DPP10: variants seen among roughly 807,000 people sequenced by gnomAD.
DPP10 encodes dipeptidyl peptidase like 10, also known as inactive dipeptidyl peptidase 10.
A neutral mutation model predicts 120.9 loss-of-function variants in DPP10; 33 were observed. The ratio of observed to expected loss-of-function variants is 0.27; its 90% CI spans 0.21 to 0.37. The LOEUF (loss-of-function observed/expected upper bound fraction) is 0.37. Ranked by LOEUF, DPP10 falls within the 10% of genes least tolerant of loss-of-function variation. The pLI is 1.00. For synonymous variants in DPP10, 337 were observed against 326.1 expected (o/e 1.03, Z -0.36); for missense variants, 816 against 942.8 (o/e 0.87, Z 1.76).
At chr2:115,295,641 A>C (rs2060852326) in intron 1 of DPP10, among the ~76,000 whole-genome samples, 1 of 152,130 alleles carries the variant, frequency 6.6e-6, no homozygotes, top group Admixed American at 6.6e-5. Context: ...TTTTAATGGC[A>C]AAAGCAATAA....
intron 8 of DPP10, among the ~76,000 whole-genome samples, chr2:115,739,400 T>C (rs1676978672): frequency 6.6e-6 from 1 of 152,088 alleles, no homozygotes. Context: ...CAAATGTGAA[T>C]GAATCATGAC....
intron 1 of DPP10, among the ~76,000 whole-genome samples, chr2:114,686,011 CT>C (rs1487424828): frequency 3.9e-5 from 6 of 151,934 alleles, no homozygotes; most frequent in African/African-American, 1.4e-4. Context: ...ACTGTATTTT[CT>C]TCCCTGAGTG....
At chr2:115,627,628 A>G (rs2085472182) in intron 5 of DPP10, among the ~76,000 whole-genome samples, 2 of 152,126 alleles carry the variant, frequency 1.3e-5, no homozygotes, top group Non-Finnish European at 2.9e-5. Context: ...TCAACCTATC[A>G]CATAGGTATT....
intron 1 of DPP10, among the ~76,000 whole-genome samples, chr2:114,480,772 G>T (rs1014152717): frequency 1.3e-5 from 2 of 151,692 alleles, no homozygotes; most frequent in Non-Finnish European, 2.9e-5. Flanking sequence ...ACGAGTTAAT[G>T]GGTGCAGCAC....
intron 3 of DPP10, among the ~76,000 whole-genome samples, chr2:115,450,659 A>G (rs1054543735): frequency 1.3e-5 from 2 of 151,940 alleles, no homozygotes; most frequent in Admixed American, 6.6e-5. Context: ...AAAATATGGC[A>G]TATCCTTGTT....
chr2:115,383,120 C>T (rs1429774737), intron 3 of DPP10, among the ~76,000 whole-genome samples: 1 of 152,166 alleles, frequency 6.6e-6, no homozygotes, highest in African/African-American at 2.4e-5. Context: ...CCTGAGTTTT[C>T]AGATTAAAGA....
chr2:115,017,113 T>C (rs926854002), intron 1 of DPP10, among the ~76,000 whole-genome samples: 2 of 150,544 alleles, frequency 1.3e-5, no homozygotes, highest in Non-Finnish European at 3.0e-5. Context: ...TGCTAAATGA[T>C]GAGTTAATGG....
intron 1 of DPP10, among the ~76,000 whole-genome samples, chr2:114,568,601 G>A (rs1475547877): frequency 6.6e-6 from 1 of 152,176 alleles, no homozygotes; most frequent in African/African-American, 2.4e-5. Flanking sequence ...GATCTGACCT[G>A]TTTGACTTTT....
chr2:114,684,599 C>T (rs1456490651), intron 1 of DPP10, among the ~76,000 whole-genome samples: 1 of 151,894 alleles, frequency 6.6e-6, no homozygotes, highest in African/African-American at 2.4e-5. Context: ...AACAACCAGC[C>T]AGGCTTTGGT....
intron 1 of DPP10, among the ~76,000 whole-genome samples, chr2:114,549,166 C>T (rs1343529819): frequency 6.6e-6 from 1 of 151,192 alleles, no homozygotes; most frequent in Non-Finnish European, 1.5e-5. Flanking sequence ...CACATGCATG[C>T]CGGGGGTGGG....
At chr2:115,806,839 G>GC (rs935102105) in intron 19 of DPP10, among the ~76,000 whole-genome samples, 6 of 150,326 alleles carry the variant, frequency 4.0e-5, no homozygotes, top group Non-Finnish European at 7.4e-5. Flanking sequence ...TATCTAAATT[G>GC]CCCCCCCACC....
intron 16 of DPP10, 73 bp from the exon 17 acceptor site, chr2:115,782,279 A>G (rs1426949880): frequency 3.7e-5 from 50 of 1,360,690 alleles, no homozygotes; most frequent in Middle Eastern, 1.9e-4. Context: ...GGAAAAAACT[A>G]TTATGTAAAC....
chr2:115,379,752 G>T (rs1340517692), intron 3 of DPP10, among the ~76,000 whole-genome samples: 1 of 152,032 alleles, frequency 6.6e-6, no homozygotes, highest in Admixed American at 6.6e-5. Context: ...GGTATGTTGT[G>T]TATTTGTTCT....
chr2:114,807,999 G>A lies in DPP10; in HGVS notation c.60+365161G>A, dbSNP rs78952048. ...AACATAACCTGGGCTTCCTTAAAGC[G>A]TGGTGGTGTCAGAGGAGTCAAATTT... On this transcript the variant is annotated intron_variant, in intron 1 of 25. Coordinates refer to ENST00000410059, the MANE Select transcript of DPP10 (RefSeq NM_020868.6). 3.7e-3 allele frequency among the ~76,000 whole-genome samples: 565 copies of A among 152,310 alleles called. 4 individuals carry two copies. Among genetic ancestry groups the A allele is most frequent in the African/African-American group, 0.013 (542 of 41,562 alleles).
At chr2:115,323,824 A>G (rs1377434761) in intron 2 of DPP10, among the ~76,000 whole-genome samples, 4 of 152,168 alleles carry the variant, frequency 2.6e-5, no homozygotes, top group Non-Finnish European at 5.9e-5. Context: ...TGGATTTAAA[A>G]TATTTAGTAA....
chr2:115,105,568 C>T (rs186743060), intron 1 of DPP10, among the ~76,000 whole-genome samples: 115 of 152,208 alleles, frequency 7.6e-4, no homozygotes, highest in African/African-American at 2.2e-3. Context: ...GAGTCTGCCC[C>T]GATGACCCAG....
At chr2:114,802,692 C>T (rs189172718) in intron 1 of DPP10, among the ~76,000 whole-genome samples, 15 of 152,242 alleles carry the variant, frequency 9.9e-5, no homozygotes, top group Admixed American at 9.8e-4. Flanking sequence ...TGCTAGTTGC[C>T]TCATTTCCAC....
At chr2:114,762,821 CT>C (rs1290466969) in intron 1 of DPP10, among the ~76,000 whole-genome samples, 2 of 152,140 alleles carry the variant, frequency 1.3e-5, no homozygotes, top group Non-Finnish European at 2.9e-5. Flanking sequence ...GAAATGTATT[CT>C]TTTACTGAGC....
chr2:114,661,533 G>C (rs1697402486), intron 1 of DPP10, among the ~76,000 whole-genome samples: 1 of 152,140 alleles, frequency 6.6e-6, no homozygotes, highest in African/African-American at 2.4e-5. Flanking sequence ...GTCCCTGTAA[G>C]GATTCAGGCA....
Sources: allele counts gnomAD v4.1 joint callset (sites outside exome capture counted in the v4.1 genomes callset), GRCh38; gene constraint gnomAD v4.1.1; transcripts MANE v1.5; gene names NCBI Gene and HGNC (gene_info 2026-07-23, HGNC 2026-07-21).